The following RBM6 variants were observed in gnomAD, a reference collection of about 807,000 sequenced individuals.
RBM6 encodes RNA binding motif protein 6.
In RBM6, 23 loss-of-function variants were observed where a neutral mutation model predicts 140.4. That is an observed-to-expected ratio of 0.16 (90% confidence interval 0.12 to 0.23). RBM6 has a LOEUF of 0.23. Ranked by LOEUF, RBM6 falls within the 10% of genes least tolerant of loss-of-function variation. RBM6 has a pLI of 1.00. For synonymous variants in RBM6, 439 were observed against 475.6 expected (o/e 0.92, Z 1.00); for missense variants, 1,139 against 1,386.7 (o/e 0.82, Z 2.84).
At chr3:49,972,193 TA>T (rs772690923) in intron 4 of RBM6, 45 bp downstream of exon 4, 2 of 1,442,348 alleles carry the variant, frequency 1.4e-6, no homozygotes, top group South Asian at 2.4e-5. Context: ...AATTAAAAAT[TA>T]AAAAAACCTT....
intron 5 of RBM6, 54 bp downstream of exon 5, chr3:49,975,446 C>A (rs931618169): frequency 4.2e-5 from 59 of 1,408,410 alleles, no homozygotes; most frequent in East Asian, 3.4e-4. Flanking sequence ...TTTGTCAGAT[C>A]TCTGCATCAT....
At chr3:49,955,160 CTT>C (rs869272546) in intron 1 of RBM6, among the ~76,000 whole-genome samples, 18 of 72,710 alleles carry the variant, frequency 2.5e-4, no homozygotes, top group Admixed American at 1.2e-3. Flanking sequence ...TTTTTTCTTT[CTT>C]TTTTTTTTTT....
intron 5 of RBM6, chr3:49,981,426 T>A (rs1344068302): frequency 6.6e-6 from 1 of 152,176 alleles, no homozygotes; most frequent in Admixed American, 6.5e-5. Context: ...TTTTAAGAAG[T>A]CCTCCAGATA....
At chr3:50,064,640 T>C (rs2090055536) in intron 15 of RBM6, among the ~76,000 whole-genome samples, 1 of 152,030 alleles carries the variant, frequency 6.6e-6, no homozygotes, top group Non-Finnish European at 1.5e-5. Flanking sequence ...GCCTCCCAAG[T>C]AGCTGGGATT....
intron 11 of RBM6, 93 bp from the exon 12 acceptor site, chr3:50,060,863 A>G: frequency 1.5e-6 from 2 of 1,354,620 alleles, no homozygotes; most frequent in South Asian, 1.7e-5. Flanking sequence ...CAAAATGAGG[A>G]ACAGAGGATT....
chr3:50,073,623 C>G (rs952866239), intron 19 of RBM6, among the ~76,000 whole-genome samples: 6 of 152,196 alleles, frequency 3.9e-5, no homozygotes, highest in Non-Finnish European at 8.8e-5. Context: ...ACACTGGACT[C>G]CTACTCCCAG....
At chr3:50,010,088 T>C (rs568448458) in intron 6 of RBM6, among the ~76,000 whole-genome samples, 2 of 152,144 alleles carry the variant, frequency 1.3e-5, no homozygotes, top group East Asian at 3.9e-4. Context: ...GGTTTCACCA[T>C]GTTGGCCAGG....
At chr3:50,040,163 T>C (rs2088796655) in intron 6 of RBM6, among the ~76,000 whole-genome samples, 1 of 152,052 alleles carries the variant, frequency 6.6e-6, no homozygotes, top group African/African-American at 2.4e-5. Context: ...ATTTAAGTTC[T>C]CGGCCGGGTG....
At chr3:49,954,830 C>CCCA (rs898241552) in intron 1 of RBM6, among the ~76,000 whole-genome samples, 1 of 151,704 alleles carries the variant, frequency 6.6e-6, no homozygotes, top group Admixed American at 6.6e-5. Context: ...GCGATCTCAG[C>CCCA]CCACTGCAAG....
intron 4 of RBM6, among the ~76,000 whole-genome samples, chr3:49,973,839 G>A (rs1241468160): frequency 6.6e-6 from 1 of 151,768 alleles, no homozygotes; most frequent in Admixed American, 6.6e-5. Flanking sequence ...ACCCGCCTCG[G>A]CCTCTCAAAG....
rs544032929 is a variant in RBM6 at position 50,025,591 on chromosome 3, T to A, written c.1558-22654T>A. ...TTTTATATATATACAACTTTAATTTTTTTTTTTTTTTTTTTAAGAGACAGG... is the reference window on the plus strand; with the variant it reads ...TTTTATATATATACAACTTTAATTTATTTTTTTTTTTTTTTAAGAGACAGG... On this transcript the variant is annotated intron_variant, in intron 6 of 20. Coordinates refer to ENST00000266022, the MANE Select transcript of RBM6 (RefSeq NM_005777.3). Among the ~76,000 whole-genome samples the A allele has an allele frequency of 1.0e-4, 14 of 140,590 alleles. 1 individual carries two copies. In the East Asian group the frequency reaches 1.8e-3, roughly 18 times the overall value. 92.2% of individuals were successfully genotyped at this position (140,590 alleles called of 152,430 possible). A position where few individuals can be genotyped will look rare whatever the true frequency, so the allele number is the denominator to read the frequency against.
chr3:50,062,502 C>CAA (rs750652866), intron 15 of RBM6, among the ~76,000 whole-genome samples: 44 of 121,132 alleles, frequency 3.6e-4, no homozygotes, highest in Non-Finnish European at 4.2e-4. Flanking sequence ...GACTCTGTAT[C>CAA]AAAAAAAAAA....
chr3:50,048,366 C>T, intron 7 of RBM6, 47 bp downstream of exon 7: 1 of 1,589,330 alleles, frequency 6.3e-7, no homozygotes, highest in Non-Finnish European at 8.6e-7. Context: ...TCTGGAATAA[C>T]AGCTCCTCCA....
Position 49,975,333 on chromosome 3 carries a change from C to T in RBM6, c.1424C>T (p.Ala475Val), listed in dbSNP as rs1452807934. 2 of 1,612,818 alleles carry T rather than the reference C, an allele frequency of 1.2e-6. No individual in the cohort carries two copies. Among genetic ancestry groups the T allele is most frequent in the East Asian group, 2.2e-5 (1 of 44,866 alleles). ...EDATKEEILN[A>V]FRTPDGMPVK... Reference sequence around the variant, plus strand: ...GCCATATTTTTGCAGATTCTTAATGCTTTTCGGACTCCTGATGGCATGCCT... The same window carrying T: ...GCCATATTTTTGCAGATTCTTAATGTTTTTCGGACTCCTGATGGCATGCCT... The change falls in exon 5 of 21, where the codon GCT (alanine) becomes GTT (valine). Residue 475 changes from alanine to valine, a missense_variant. Physicochemically the swap from Ala to Val is moderately conservative, Grantham distance 64. Around this residue, in one of 9 missense-constraint regions of RBM6, gnomAD observed 566 missense variants for 612.7 expected, o/e 0.92. Coordinates refer to ENST00000266022, the MANE Select transcript of RBM6 (RefSeq NM_005777.3).
At chr3:50,025,149 G>A (rs1313825712) in intron 6 of RBM6, among the ~76,000 whole-genome samples, 1 of 151,694 alleles carries the variant, frequency 6.6e-6, no homozygotes, top group Non-Finnish European at 1.5e-5. Context: ...TCTCAGCCAG[G>A]CGCGGTGGCT....
intron 5 of RBM6, among the ~76,000 whole-genome samples, chr3:49,976,771 T>C (rs1348335981): frequency 1.3e-5 from 2 of 152,206 alleles, no homozygotes; most frequent in East Asian, 1.9e-4. Flanking sequence ...ACAGTAAAAA[T>C]TGTATTAACA....
intron 6 of RBM6, among the ~76,000 whole-genome samples, chr3:50,046,439 C>T (rs1327692310): frequency 1.3e-5 from 2 of 151,222 alleles, no homozygotes; most frequent in Non-Finnish European, 2.9e-5. Flanking sequence ...ATTAGCCAAG[C>T]GTGGTGGCAT....
chr3:50,056,511 GT>G lies in RBM6; in HGVS notation c.1694-1216del, dbSNP rs1212345361. ...GGGTTTCACTGTGTTAGCCAGGATG[GT>G]CTCGATCTCCTGACCTCGTGATCTG... On this transcript the variant is annotated intron_variant, in intron 8 of 20. Coordinates refer to ENST00000266022, the MANE Select transcript of RBM6 (RefSeq NM_005777.3). 2.0e-5 allele frequency among the ~76,000 whole-genome samples: 3 copies of G among 152,182 alleles called. No individual in the cohort carries two copies. The East Asian group carries it at 5.8e-4, about 29-fold the overall frequency.
chr3:49,984,611 A>ACATCACATCGCATCG (rs1553643586), intron 5 of RBM6, among the ~76,000 whole-genome samples: 2 of 86,100 alleles, frequency 2.3e-5, no homozygotes, highest in African/African-American at 5.2e-5. Context: ...ACATCACATC[A>ACATCACATCGCATCG]CATCGCATCG....
Sources: gnomAD v4.1 joint callset for allele counts (sites outside exome capture counted in the v4.1 genomes callset) on GRCh38, gnomAD v4.1.1 for gene constraint, gnomAD v4.1.1 regional missense constraint, MANE v1.5 for transcripts, NCBI Gene and HGNC (gene_info 2026-07-23, HGNC 2026-07-21) for gene names.